Variants in SAMD4A observed in about 807,000 individuals in gnomAD.
SAMD4A encodes the protein protein Smaug homolog 1.
Under a neutral mutation model 81.3 loss-of-function variants are expected in SAMD4A, and 33 were observed. That is an observed-to-expected ratio of 0.41 (90% CI 0.31 to 0.54). The LOEUF (loss-of-function observed/expected upper bound fraction) is 0.54. Among genes scored for constraint, SAMD4A ranks in the 20% least tolerant of loss-of-function variants. The pLI, the probability that SAMD4A is intolerant of heterozygous loss-of-function variation, is 0.37. For missense variants in SAMD4A, 854 were observed against 951.1 expected, an observed-to-expected ratio of 0.90 and a Z score of 1.34; for synonymous variants, 389 against 382.1, an observed-to-expected ratio of 1.02 and a Z score of -0.21.
At chr14:54,768,080 C>CT (rs1312173698) in intron 8 of SAMD4A, among the ~76,000 whole-genome samples, 1 of 152,220 alleles carries the variant, frequency 6.6e-6, no homozygotes. Flanking sequence ...GAAATGAGCC[C>CT]TTTACTCCGT....
chr14:54,583,707 T>C (rs144954497), intron 2 of SAMD4A, among the ~76,000 whole-genome samples: 290 of 152,346 alleles, frequency 1.9e-3, no homozygotes, highest in African/African-American at 6.7e-3. Flanking sequence ...CTAACACACT[T>C]GAATAGAATG....
Position 54,567,938 on chromosome 14 carries a change from G to A in SAMD4A, c.22G>A (p.Gly8Arg). Reference sequence around the variant, plus strand: ...AACCATGATGTTTCGCGACCAGGTCGGGGTGCTGGCGGGCTGGTTTAAGGG... The same window carrying A: ...AACCATGATGTTTCGCGACCAGGTCAGGGTGCTGGCGGGCTGGTTTAAGGG... The part of the protein sequence containing the change: MMFRDQV[G>R]VLAGWFKGWN... Residue 8 changes from glycine to arginine, a missense_variant, in exon 2 of 13, where the codon GGG becomes AGG. Around this residue, in one of 3 missense-constraint regions of SAMD4A, gnomAD observed 387 missense variants for 405.8 expected, o/e 0.95. Transcript: ENST00000554335. 1 of 1,609,426 alleles carries A rather than the reference G, an allele frequency of 6.2e-7. No homozygotes were observed. Among genetic ancestry groups the A allele is most frequent in the Non-Finnish European group, 8.5e-7 (1 of 1,179,230 alleles).
chr14:54,579,156 CTATCTCCTGTT>C (rs2140138671), intron 2 of SAMD4A, among the ~76,000 whole-genome samples: 1 of 152,328 alleles, frequency 6.6e-6, no homozygotes, highest in South Asian at 2.1e-4. Flanking sequence ...CACACAAACA[CTATCTCCTGTT>C]ATTGAATGGA....
chr14:54,592,325 A>C (rs1221834038), intron 2 of SAMD4A, among the ~76,000 whole-genome samples: 1 of 152,154 alleles, frequency 6.6e-6, no homozygotes, highest in Non-Finnish European at 1.5e-5. Flanking sequence ...CAGTGTCTAC[A>C]AACACTTTGC....
chr14:54,763,090 C>T (rs1241385930), intron 7 of SAMD4A, among the ~76,000 whole-genome samples: 1 of 151,786 alleles, frequency 6.6e-6, no homozygotes, highest in Non-Finnish European at 1.5e-5. Context: ...CTCCTGACCT[C>T]GTGATCTGCC....
intron 3 of SAMD4A, among the ~76,000 whole-genome samples, chr14:54,715,581 T>C (rs1331681866): frequency 6.6e-6 from 1 of 152,148 alleles, no homozygotes; most frequent in Non-Finnish European, 1.5e-5. Flanking sequence ...TGAAGGGAAG[T>C]CTGGTGGACA....
chr14:54,619,178 T>C (rs2034557979), intron 2 of SAMD4A, among the ~76,000 whole-genome samples: 1 of 152,216 alleles, frequency 6.6e-6, no homozygotes, highest in Non-Finnish European at 1.5e-5. Context: ...AACTAATAGG[T>C]AATTATTTTA....
chr14:54,650,836 GTATGCTTGCACTGAGCATTC>G (rs2035388496), intron 2 of SAMD4A, among the ~76,000 whole-genome samples: 1 of 152,094 alleles, frequency 6.6e-6, no homozygotes, highest in Non-Finnish European at 1.5e-5. Context: ...GCCCCACGTT[GTATGCTTGCACTGAGCATTC>G]TTTCAGCGTT....
chr14:54,773,801 A>G (rs368645824), intron 9 of SAMD4A, among the ~76,000 whole-genome samples: 6 of 152,224 alleles, frequency 3.9e-5, no homozygotes, highest in Non-Finnish European at 7.3e-5. Context: ...CCATTTGAGG[A>G]TGCGTCATGA....
intron 2 of SAMD4A, among the ~76,000 whole-genome samples, chr14:54,590,408 C>G (rs1247736911): frequency 5.9e-5 from 9 of 152,076 alleles, no homozygotes; most frequent in African/African-American, 1.7e-4. Context: ...GGAGGATCGC[C>G]TGAGCCCAGG....
At chr14:54,760,530 G>T (rs374992592) in intron 7 of SAMD4A, 36 bp downstream of exon 7, 2 of 1,381,694 alleles carry the variant, frequency 1.4e-6, no homozygotes. Context: ...TTTTCTTCTG[G>T]ATACCACTAA....
rs377227428 is a variant in SAMD4A, at chr14:54,685,736, C to G, written c.197-16326C>G. 4.4e-5 allele frequency: 20 copies of G among 456,688 alleles called. 1 individual carries two copies. The highest frequency in any genetic ancestry group is 1.8e-4 in the African/African-American group (9 of 50,176). The allele number at this position is 456,688 out of a possible 1,614,324, so 28.3% of individuals were successfully genotyped here. On this transcript the variant is annotated intron_variant, in intron 2 of 12. Transcript: ENST00000554335. ...GAGTGGTGTGTGGTAAGAACACTTACAACCAGAACAGAGAGAACCAGAAAA... is the reference window on the plus strand; with the variant it reads ...GAGTGGTGTGTGGTAAGAACACTTAGAACCAGAACAGAGAGAACCAGAAAA...
intron 2 of SAMD4A, chr14:54,694,449 G>C (rs2036528521): frequency 5.4e-6 from 1 of 184,558 alleles, no homozygotes; most frequent in Non-Finnish European, 1.0e-5. Flanking sequence ...GCTGAGATAG[G>C]AAAGAGGAGC....
At chr14:54,669,650 G>A (rs8008430) in intron 2 of SAMD4A, among the ~76,000 whole-genome samples, 146,888 of 152,112 alleles carry the variant, frequency 0.97, 71,127 homozygotes, top group East Asian at 1. Flanking sequence ...GTCCACTGTT[G>A]GTGTTGGTTT....
At chr14:54,784,902 C>A (rs1481887521) in intron 12 of SAMD4A, among the ~76,000 whole-genome samples, 1 of 152,190 alleles carries the variant, frequency 6.6e-6, no homozygotes, top group Admixed American at 6.5e-5. Flanking sequence ...GCTCCACCTC[C>A]CAGTGCACAT....
chr14:54,770,222 A>G lies in SAMD4A; in HGVS notation c.1715A>G (p.Asn572Ser). Residue 572 changes from asparagine (N) to serine (S), a missense_variant and splice_region_variant, in exon 9 of 13, where the codon AAT becomes AGT. This residue lies in a region of SAMD4A where 428 missense variants were observed against 471.2 expected (regional missense o/e 0.91). Transcript: ENST00000554335. ...LDISGYRQQR[N>S]RGFGQSNSLP... ...ATATCAGGATATCGACAGCAAAGAA[A>G]GTATGTTGGGATTTCATTCTTTGTA... is the stretch of plus-strand genomic sequence containing the variant. The G allele has an allele frequency of 6.3e-7, 1 of 1,596,476 alleles. No homozygotes were observed. The highest frequency in any genetic ancestry group is 1.1e-5 in the South Asian group (1 of 90,536).
chr14:54,686,056 C>G (rs1207630011), intron 2 of SAMD4A, among the ~76,000 whole-genome samples: 1 of 152,204 alleles, frequency 6.6e-6, no homozygotes, highest in Admixed American at 6.5e-5. Context: ...TTCTTGTACT[C>G]TAGCTTCCTG....
At chr14:54,643,169 G>A (rs1351625714) in intron 2 of SAMD4A, among the ~76,000 whole-genome samples, 5 of 152,256 alleles carry the variant, frequency 3.3e-5, no homozygotes, top group Non-Finnish European at 5.9e-5. Flanking sequence ...CACGCCATCT[G>A]CTGTTTACTC....
chr14:54,709,711 G>C (rs1198536946), intron 3 of SAMD4A, among the ~76,000 whole-genome samples: 1 of 152,212 alleles, frequency 6.6e-6, no homozygotes, highest in Admixed American at 6.5e-5. Flanking sequence ...GGTATTGGCT[G>C]TGACAAACCT....
Sources: allele counts gnomAD v4.1 joint callset (sites outside exome capture counted in the v4.1 genomes callset), GRCh38; gene constraint gnomAD v4.1.1; regional missense constraint gnomAD v4.1.1; transcripts MANE v1.5; gene names NCBI Gene and HGNC (gene_info 2026-07-23, HGNC 2026-07-21).